The following ATP2A2 variants were observed in gnomAD, a reference collection of about 807,000 sequenced individuals.
ATP2A2 encodes sarcoplasmic/endoplasmic reticulum calcium ATPase 2.
ATP2A2 carries 14 observed loss-of-function variants against 109.3 expected under a neutral mutation model. That is an observed-to-expected ratio of 0.13 (90% CI 0.08 to 0.20). The LOEUF is 0.20. Among genes scored for constraint, ATP2A2 ranks in the 10% least tolerant of loss-of-function variants. The pLI is 1.00. For synonymous variants in ATP2A2, 506 were observed against 490.9 expected, an observed-to-expected ratio of 1.03 and a Z score of -0.41; for missense variants, 657 against 1,321.6, an observed-to-expected ratio of 0.50 and a Z score of 7.80.
intron 14 of ATP2A2, among the ~76,000 whole-genome samples, chr12:110,341,548 T>C (rs1879353100): frequency 6.6e-6 from 1 of 152,222 alleles, no homozygotes; most frequent in South Asian, 2.1e-4. Context: ...TTTTTGTGTC[T>C]GTAGACAGTA....
intron 6 of ATP2A2, among the ~76,000 whole-genome samples, chr12:110,325,174 TATC>T (rs1566227672): frequency 6.6e-6 from 1 of 152,216 alleles, no homozygotes; most frequent in African/African-American, 2.4e-5. Context: ...TCTCGAATAT[TATC>T]TTTCTTTCAT....
chr12:110,343,575 C>T (rs1034427582), intron 16 of ATP2A2, 141 bp downstream of exon 16: 16 of 969,342 alleles, frequency 1.7e-5, no homozygotes, highest in South Asian at 7.2e-5. Flanking sequence ...TCTTACAGTT[C>T]GATGAACTAT....
intron 5 of ATP2A2, among the ~76,000 whole-genome samples, chr12:110,310,467 C>T (rs182203997): frequency 3.3e-5 from 5 of 152,268 alleles, no homozygotes; most frequent in Admixed American, 6.5e-5. Flanking sequence ...TAGTATATGC[C>T]GCAGGGGTTA....
chr12:110,283,567 G>T (rs1484532028), intron 3 of ATP2A2, among the ~76,000 whole-genome samples: 1 of 152,038 alleles, frequency 6.6e-6, no homozygotes, highest in Admixed American at 6.6e-5. Flanking sequence ...TTAAATGTTC[G>T]GTATTAATTT....
At chr12:110,345,936 T>C (rs1192139729) in intron 18 of ATP2A2, 65 bp from the exon 19 acceptor site, 1 of 1,485,476 alleles carries the variant, frequency 6.7e-7, no homozygotes, top group Non-Finnish European at 9.4e-7. Context: ...CAACAGGGTC[T>C]TACTGCCACT....
intron 5 of ATP2A2, among the ~76,000 whole-genome samples, chr12:110,304,798 T>C (rs981618876): frequency 2.0e-5 from 3 of 152,142 alleles, no homozygotes; most frequent in Non-Finnish European, 4.4e-5. Context: ...GTGCTTTTGG[T>C]GTGATGTCTA....
At chr12:110,310,108 G>A (rs1271295779) in intron 5 of ATP2A2, among the ~76,000 whole-genome samples, 1 of 151,834 alleles carries the variant, frequency 6.6e-6, no homozygotes, top group Non-Finnish European at 1.5e-5. Flanking sequence ...AGTGAATCAA[G>A]CTATAATAGC....
At chr12:110,297,737 C>T (rs1874122706) in intron 5 of ATP2A2, among the ~76,000 whole-genome samples, 1 of 152,016 alleles carries the variant, frequency 6.6e-6, no homozygotes, top group Admixed American at 6.6e-5. Context: ...TCCCACTTTG[C>T]CCCCCAAATA....
Position 110,347,975 on chromosome 12 carries a change from G to A in ATP2A2, c.*1505G>A. On this transcript the variant is annotated 3_prime_UTR_variant, in exon 20 of 20. Coordinates refer to ENST00000539276, the MANE Select transcript of ATP2A2 (RefSeq NM_170665.4). ...ATGTGACTCGGGCGCAGCATCAGCT[G>A]GCTGGAGGTGTGGCTTTCATAGACC... 1 of 988,910 alleles carries A rather than the reference G, an allele frequency of 1.0e-6. No individual in the cohort carries two copies. Among genetic ancestry groups the A allele is most frequent in the Non-Finnish European group, 1.2e-6 (1 of 832,142 alleles). The allele number at this position is 988,910 out of a possible 1,614,324, so 61.3% of individuals were successfully genotyped here.
At position 110,350,237 on chromosome 12, in the gene ATP2A2, T is replaced by G. The variant is rs1347324157; in HGVS notation, c.*3767T>G. 1 of 1,614,076 alleles carries G rather than the reference T, an allele frequency of 6.2e-7. No individual in the cohort carries two copies. The highest frequency in any genetic ancestry group is 1.7e-5 in the Admixed American group (1 of 60,012). ...TCTTCATCTATTTAAATAGGTATTCTAACGTTTCCTCTCTGTATTTCATGA... is the reference window on the plus strand; with the variant it reads ...TCTTCATCTATTTAAATAGGTATTCGAACGTTTCCTCTCTGTATTTCATGA... On this transcript the variant is annotated 3_prime_UTR_variant, in exon 20 of 20. Transcript: ENST00000539276.
chr12:110,336,315 C>T (rs928925150), intron 11 of ATP2A2, among the ~76,000 whole-genome samples: 4 of 152,160 alleles, frequency 2.6e-5, no homozygotes, highest in African/African-American at 9.7e-5. Flanking sequence ...TCAGCCTTTT[C>T]TAGTTGTCAT....
chr12:110,317,624 C>T (rs1466120181), intron 5 of ATP2A2, among the ~76,000 whole-genome samples: 9 of 152,244 alleles, frequency 5.9e-5, no homozygotes, highest in East Asian at 1.9e-4. Context: ...ATGCTTCGTC[C>T]GCCTTGGCCT....
chr12:110,347,579 T>C lies in ATP2A2; in HGVS notation c.*1109T>C. ...AAGGGCAAGTGTGTATGTGTGTGTA[T>C]GTGTGTGTTTTGTAAAATCTGTAAA... On this transcript the variant is annotated 3_prime_UTR_variant, in exon 20 of 20. Coordinates refer to ENST00000539276, the MANE Select transcript of ATP2A2 (RefSeq NM_170665.4). The C allele has an allele frequency of 8.0e-7, 1 of 1,251,250 alleles. No homozygotes were observed. The highest frequency in any genetic ancestry group is 1.3e-5 in the South Asian group (1 of 76,332). 77.5% of individuals were successfully genotyped at this position (1,251,250 alleles called of 1,614,324 possible). A position where few individuals can be genotyped will look rare whatever the true frequency, so the allele number is the denominator to read the frequency against.
At chr12:110,341,361 C>G (rs1238064568) in intron 14 of ATP2A2, among the ~76,000 whole-genome samples, 1 of 152,048 alleles carries the variant, frequency 6.6e-6, no homozygotes, top group Non-Finnish European at 1.5e-5. Context: ...ATTGATGAAG[C>G]ATTTCCAGTA....
intron 3 of ATP2A2, among the ~76,000 whole-genome samples, chr12:110,283,084 C>G (rs1384328585): frequency 6.6e-6 from 1 of 152,264 alleles, no homozygotes. Flanking sequence ...TCAAAAAGTT[C>G]TTTTCTGGGA....
At chr12:110,317,293 G>A (rs932218014) in intron 5 of ATP2A2, among the ~76,000 whole-genome samples, 1 of 152,096 alleles carries the variant, frequency 6.6e-6, no homozygotes, top group African/African-American at 2.4e-5. Flanking sequence ...CTTAAATAGT[G>A]TTTTTCTTAT....
chr12:110,345,243 T>C lies in ATP2A2; in HGVS notation c.2608-6T>C. 6.2e-7 allele frequency: 1 copy of C among 1,614,182 alleles called. No homozygotes were observed. The highest frequency in any genetic ancestry group is 1.1e-5 in the South Asian group (1 of 91,074). ...CTGATAGGAATTTGATTGGATTTTC[T>C]TGCAGAGTCATTTCCTACAGTGTAA... On this transcript the variant is annotated splice_region_variant and splice_polypyrimidine_tract_variant and intron_variant, in intron 17 of 19. Transcript: ENST00000539276.
chr12:110,310,831 G>A lies in ATP2A2; in HGVS notation c.464-12161G>A, dbSNP rs114237445. On this transcript the variant is annotated intron_variant, in intron 5 of 19. Transcript: ENST00000539276. ...AAGAAAACTTTCAATTTAAAGGAAG[G>A]AAACTTTTACTTCAGACAGTTAACA... Among the ~76,000 whole-genome samples, 1,231 of 152,284 alleles carry A rather than the reference G, an allele frequency of 8.1e-3. 1 individual carries two copies. The highest frequency in any genetic ancestry group is 9.5e-3 in the Non-Finnish European group (645 of 68,024).
intron 4 of ATP2A2, among the ~76,000 whole-genome samples, chr12:110,295,576 A>C (rs1873880735): frequency 6.6e-6 from 1 of 152,204 alleles, no homozygotes; most frequent in Non-Finnish European, 1.5e-5. Context: ...GTCTGATATG[A>C]GATTGAAATT....
Sources: allele counts gnomAD v4.1 joint callset (sites outside exome capture counted in the v4.1 genomes callset), GRCh38; gene constraint gnomAD v4.1.1; transcripts MANE v1.5; gene names NCBI Gene and HGNC (gene_info 2026-07-23, HGNC 2026-07-21).